The following PTPN9 variants were observed in gnomAD, a reference collection of about 807,000 sequenced individuals.
PTPN9 encodes protein tyrosine phosphatase non-receptor type 9, also known as tyrosine-protein phosphatase non-receptor type 9.
PTPN9 carries 26 observed loss-of-function variants against 69.8 expected under a neutral mutation model. The observed-to-expected ratio is 0.37, with a 90% CI of 0.27 to 0.52. The LOEUF is 0.52. PTPN9 is among the 20% of genes least tolerant of loss of function. The pLI is 0.91. For synonymous variants in PTPN9, 274 were observed against 272.5 expected (o/e 1.01, Z -0.05); for missense variants, 549 against 740.3 (o/e 0.74, Z 3.00).
intron 5 of PTPN9, among the ~76,000 whole-genome samples, chr15:75,516,655 G>A (rs980890449): frequency 6.6e-6 from 1 of 150,946 alleles, no homozygotes; most frequent in East Asian, 2.0e-4. Context: ...ACATAAGTAT[G>A]CCTCAGATTC....
intron 7 of PTPN9, among the ~76,000 whole-genome samples, chr15:75,491,836 C>T (rs2074712669): frequency 6.6e-6 from 1 of 152,170 alleles, no homozygotes; most frequent in South Asian, 2.1e-4. Flanking sequence ...AAAACTCCAG[C>T]TGCAGATAAA....
At chr15:75,485,354 CTT>C (rs891447336) in intron 8 of PTPN9, among the ~76,000 whole-genome samples, 3 of 78,760 alleles carry the variant, frequency 3.8e-5, no homozygotes, top group East Asian at 7.1e-4. Flanking sequence ...ATTGTCACTT[CTT>C]TTTTTTTTTT....
chr15:75,527,390 G>T, intron 1 of PTPN9, 129 bp from the exon 2 acceptor site: 1 of 989,918 alleles, frequency 1.0e-6, no homozygotes, highest in Non-Finnish European at 1.5e-6. Context: ...AGGGAGCAGG[G>T]AAAGACAAAC....
At chr15:75,481,211 G>A (rs2141292859) in intron 8 of PTPN9, among the ~76,000 whole-genome samples, 1 of 78,108 alleles carries the variant, frequency 1.3e-5, no homozygotes, top group African/African-American at 5.3e-5. Flanking sequence ...CCCCGTCTGA[G>A]AAGTGAGGAG....
intron 8 of PTPN9, among the ~76,000 whole-genome samples, chr15:75,482,988 C>G (rs2141294562): frequency 6.6e-6 from 1 of 152,058 alleles, no homozygotes; most frequent in East Asian, 1.9e-4. Context: ...CATCAGCCAT[C>G]ATGGAAATGC....
rs571404981 is a variant in PTPN9 at position 75,486,099 on chromosome 15, C to CAA, written c.1062+4107_1062+4108dup. Among the ~76,000 whole-genome samples, 513 of 86,844 alleles carry CAA rather than the reference C, an allele frequency of 5.9e-3. 7 individuals are homozygous for CAA. Among genetic ancestry groups the CAA allele is most frequent in the African/African-American group, 0.015 (347 of 23,562 alleles). The allele number at this position is 86,844 out of a possible 152,430, so 57.0% of individuals were successfully genotyped here. On this transcript the variant is annotated intron_variant, in intron 8 of 12. Coordinates refer to ENST00000618819, the MANE Select transcript of PTPN9 (RefSeq NM_002833.4). ...TGGGCGACAAAGCGAGACTCCAACTCAAAAAAAAAAAAAAAAACAAAACTG... is the reference window on the plus strand; with the variant it reads ...TGGGCGACAAAGCGAGACTCCAACTCAAAAAAAAAAAAAAAAAAACAAAACTG...
At chr15:75,538,199 A>G (rs2074993400) in intron 1 of PTPN9, among the ~76,000 whole-genome samples, 1 of 152,178 alleles carries the variant, frequency 6.6e-6, no homozygotes, top group South Asian at 2.1e-4. Context: ...TTATGTTAAC[A>G]GGAAAGGAAA....
In PTPN9 at chr15:75,466,862, T is replaced by C. The variant is rs185154289; in HGVS notation, c.*1907A>G. 1 of 152,338 alleles carries C rather than the reference T, an allele frequency of 6.6e-6. No homozygotes were observed. Among genetic ancestry groups the C allele is most frequent in the East Asian group, 1.9e-4 (1 of 5,192 alleles). The allele number at this position is 152,338 out of a possible 1,614,324, so 9.4% of individuals were successfully genotyped here. A position where few individuals can be genotyped will look rare whatever the true frequency, so the allele number is the denominator to read the frequency against. On this transcript the variant is annotated 3_prime_UTR_variant, in exon 13 of 13. Coordinates refer to ENST00000618819, the MANE Select transcript of PTPN9 (RefSeq NM_002833.4). ...GAGAGAAGATAATATCTCACTGAAT[T>C]GTTGTGAGGTTTGAATGAGGCAGGG...
At chr15:75,564,315 C>G (rs926112319) in intron 1 of PTPN9, among the ~76,000 whole-genome samples, 1 of 152,168 alleles carries the variant, frequency 6.6e-6, no homozygotes, top group African/African-American at 2.4e-5. Flanking sequence ...ACCACATTGG[C>G]CAGGTGCGGT....
chr15:75,480,593 C>G (rs1271421681), intron 8 of PTPN9: 3 of 1,058,702 alleles, frequency 2.8e-6, no homozygotes, highest in East Asian at 4.7e-5. Context: ...CGCGGCTGCG[C>G]TGCGGCCTGG....
rs539520236 is a variant in PTPN9, at chr15:75,576,780, C to T, written c.63+1934G>A. On this transcript the variant is annotated intron_variant, in intron 1 of 12. Transcript: ENST00000618819. The stretch of plus-strand genomic sequence containing the variant: ...CCAAGATCAGGCCACTGCACTCCAG[C>T]CTAGATGACAGGGCGAGGCTCTGTC... Among the ~76,000 whole-genome samples the T allele has an allele frequency of 1.7e-4, 26 of 152,142 alleles. No homozygotes were observed. In the South Asian group the frequency reaches 5.2e-3, roughly 30 times the overall value.
At chr15:75,470,424 G>A (rs1006394624) in intron 11 of PTPN9, among the ~76,000 whole-genome samples, 4 of 152,192 alleles carry the variant, frequency 2.6e-5, no homozygotes, top group Non-Finnish European at 5.9e-5. Flanking sequence ...CCAGAGTGCT[G>A]GGATTATAGG....
intron 1 of PTPN9, among the ~76,000 whole-genome samples, chr15:75,546,783 A>G (rs1230214759): frequency 6.6e-6 from 1 of 152,152 alleles, no homozygotes; most frequent in African/African-American, 2.4e-5. Context: ...GAGAACGACT[A>G]CACTGGACAT....
intron 2 of PTPN9, among the ~76,000 whole-genome samples, chr15:75,526,620 G>A (rs961891725): frequency 1.3e-5 from 2 of 152,090 alleles, no homozygotes; most frequent in African/African-American, 4.8e-5. Flanking sequence ...TCCTGATGCC[G>A]CTACATTTGC....
Position 75,505,989 on chromosome 15 carries a change from C to T in PTPN9, c.654G>A (p.Lys218=), listed in dbSNP as rs762077266. ...GCAGATGCTGCGTGACCTCAGATGT[C>T]TTTAATATTTGAATCTGGAAGGTTA... ...DKVRERIQIL[K]TSEVTQHLPR... The change falls in exon 7 of 13, where the codon AAG becomes AAA. Residue 218 remains lysine (K), a synonymous_variant. Transcript: ENST00000618819. 12 of 1,610,502 alleles carry T rather than the reference C, an allele frequency of 7.5e-6. No homozygotes were observed. Among genetic ancestry groups the T allele is most frequent in the Non-Finnish European group, 1.0e-5 (12 of 1,177,264 alleles).
At chr15:75,544,697 C>T (rs899139863) in intron 1 of PTPN9, among the ~76,000 whole-genome samples, 1 of 152,052 alleles carries the variant, frequency 6.6e-6, no homozygotes, top group East Asian at 1.9e-4. Context: ...CCACTCATGC[C>T]GCTAAAGAGT....
chr15:75,576,458 G>T (rs913980476), intron 1 of PTPN9, among the ~76,000 whole-genome samples: 11 of 151,912 alleles, frequency 7.2e-5, no homozygotes, highest in Admixed American at 5.3e-4. Context: ...CTTGAACCCG[G>T]CAGATGGAGG....
At chr15:75,494,264 T>A (rs1416444614) in intron 7 of PTPN9, among the ~76,000 whole-genome samples, 1 of 151,666 alleles carries the variant, frequency 6.6e-6, no homozygotes, top group African/African-American at 2.4e-5. Flanking sequence ...TAGAACTAAA[T>A]AACAAACCTT....
chr15:75,473,550 T>G (rs2074580180), intron 10 of PTPN9, 139 bp downstream of exon 10: 1 of 711,026 alleles, frequency 1.4e-6, no homozygotes, highest in Non-Finnish European at 2.4e-6. Flanking sequence ...TTGGCCTCCC[T>G]AAGTGCTGGG....
Sources: allele counts gnomAD v4.1 joint callset (sites outside exome capture counted in the v4.1 genomes callset), GRCh38; gene constraint gnomAD v4.1.1; transcripts MANE v1.5; gene names NCBI Gene and HGNC (gene_info 2026-07-23, HGNC 2026-07-21).